MARCHF1: variants seen among roughly 807,000 people sequenced by gnomAD.
MARCHF1 encodes membrane associated ring-CH-type finger 1.
A neutral mutation model predicts 54.2 loss-of-function variants in MARCHF1; 40 were observed. The observed-to-expected ratio is 0.74, with a 90% CI of 0.57 to 0.96. The LOEUF (loss-of-function observed/expected upper bound fraction) is 0.96, where lower values mean the gene tolerates loss of function less well. MARCHF1 is among the 40% of genes least tolerant of loss of function. MARCHF1 has a pLI of 0.00. For missense variants in MARCHF1, 586 were observed against 656.5 expected (o/e 0.89, Z 1.17); for synonymous variants, 236 against 236.3 (o/e 1.00, Z 0.01).
chr4:164,158,845 T>G (rs1012777892), intron 1 of MARCHF1, among the ~76,000 whole-genome samples: 4 of 152,152 alleles, frequency 2.6e-5, no homozygotes, highest in African/African-American at 9.7e-5. Context: ...CTATTCTTCC[T>G]TTTCTTCAAG....
intron 1 of MARCHF1, among the ~76,000 whole-genome samples, chr4:164,334,247 C>T (rs183764556): frequency 3.3e-5 from 5 of 152,216 alleles, no homozygotes; most frequent in Admixed American, 1.3e-4. Flanking sequence ...TGGAAGGAAA[C>T]GCCATTAGGA....
At chr4:163,548,988 T>G (rs958355273) in intron 8 of MARCHF1, among the ~76,000 whole-genome samples, 3 of 152,228 alleles carry the variant, frequency 2.0e-5, no homozygotes, top group African/African-American at 7.2e-5. Flanking sequence ...TGCTCCCCTG[T>G]CCTGCTTTAC....
chr4:164,133,703 A>G (rs1756346414), intron 1 of MARCHF1, among the ~76,000 whole-genome samples: 1 of 152,220 alleles, frequency 6.6e-6, no homozygotes, highest in Non-Finnish European at 1.5e-5. Context: ...TAGCCCAAAA[A>G]AAGAACTAAA....
At chr4:164,156,176 G>A (rs916968197) in intron 1 of MARCHF1, among the ~76,000 whole-genome samples, 1 of 152,082 alleles carries the variant, frequency 6.6e-6, no homozygotes, top group Non-Finnish European at 1.5e-5. Flanking sequence ...TTAGAGGTGA[G>A]GCCCCCAGTT....
chr4:163,977,425 T>C (rs1450516109), intron 3 of MARCHF1, among the ~76,000 whole-genome samples: 3 of 152,178 alleles, frequency 2.0e-5, no homozygotes, highest in Non-Finnish European at 2.9e-5. Context: ...CTGTTTCCTC[T>C]TAGCCATCAC....
intron 3 of MARCHF1, among the ~76,000 whole-genome samples, chr4:163,968,287 A>C (rs898905655): frequency 2.0e-5 from 3 of 152,150 alleles, no homozygotes; most frequent in Non-Finnish European, 4.4e-5. Flanking sequence ...TTTTTGCAAG[A>C]CATTTTAAAA....
At chr4:163,703,456 T>C (rs1025385485) in intron 4 of MARCHF1, among the ~76,000 whole-genome samples, 5 of 152,168 alleles carry the variant, frequency 3.3e-5, no homozygotes, top group African/African-American at 4.8e-5. Context: ...CTTGTCCCAT[T>C]ACTATTGCAA....
intron 8 of MARCHF1, among the ~76,000 whole-genome samples, chr4:163,570,617 A>G (rs1280655617): frequency 6.6e-6 from 1 of 152,084 alleles, no homozygotes; most frequent in African/African-American, 2.4e-5. Flanking sequence ...GAACATTTCT[A>G]CCTCACAGAG....
At chr4:164,285,471 T>C (rs1214782482) in intron 1 of MARCHF1, among the ~76,000 whole-genome samples, 3 of 151,880 alleles carry the variant, frequency 2.0e-5, no homozygotes, top group Admixed American at 2.0e-4. Context: ...GAGACGGAGT[T>C]TCGCTCTGTC....
intron 1 of MARCHF1, among the ~76,000 whole-genome samples, chr4:164,288,172 A>G (rs1054168739): frequency 6.6e-6 from 1 of 151,972 alleles, no homozygotes; most frequent in African/African-American, 2.4e-5. Context: ...AGGTCTGGGT[A>G]TTCATAGGGT....
At chr4:163,762,562 T>C (rs1049905626) in intron 4 of MARCHF1, among the ~76,000 whole-genome samples, 3 of 152,100 alleles carry the variant, frequency 2.0e-5, no homozygotes, top group Non-Finnish European at 2.9e-5. Flanking sequence ...TAAATGTAAA[T>C]AAAAGGTTTT....
chr4:163,742,760 G>A (rs763258124), intron 4 of MARCHF1, among the ~76,000 whole-genome samples: 30 of 152,054 alleles, frequency 2.0e-4, no homozygotes, highest in Non-Finnish European at 3.8e-4. Context: ...TTATGGGTAC[G>A]CCCAGTACTG....
intron 2 of MARCHF1, among the ~76,000 whole-genome samples, chr4:164,069,277 A>G (rs113821729): frequency 0.013 from 1,967 of 152,320 alleles, 45 homozygotes; most frequent in African/African-American, 0.045. Flanking sequence ...TGGGCCAATC[A>G]GCAGGATGTG....
At chr4:164,056,867 C>T (rs908565693) in intron 2 of MARCHF1, among the ~76,000 whole-genome samples, 2 of 152,130 alleles carry the variant, frequency 1.3e-5, no homozygotes, top group African/African-American at 4.8e-5. Flanking sequence ...CCTGCCACCT[C>T]CCATCTCCCT....
chr4:163,574,342 G>T (rs1162986898), intron 8 of MARCHF1, among the ~76,000 whole-genome samples: 2 of 151,902 alleles, frequency 1.3e-5, no homozygotes, highest in African/African-American at 2.4e-5. Context: ...GTCAATTTTG[G>T]CTTTTGTTGC....
At chr4:163,884,911 T>C (rs1750495255) in intron 3 of MARCHF1, among the ~76,000 whole-genome samples, 1 of 152,134 alleles carries the variant, frequency 6.6e-6, no homozygotes, top group Non-Finnish European at 1.5e-5. Flanking sequence ...ATTTAGAGAC[T>C]AAAGGGGGAC....
chr4:163,710,077 A>G (rs1302856928), intron 4 of MARCHF1, among the ~76,000 whole-genome samples: 1 of 152,168 alleles, frequency 6.6e-6, no homozygotes, highest in Non-Finnish European at 1.5e-5. Context: ...GTCAAATTTA[A>G]TGGGTAAACT....
chr4:164,000,547 C>T (rs1157780566), intron 2 of MARCHF1, among the ~76,000 whole-genome samples: 1 of 151,488 alleles, frequency 6.6e-6, no homozygotes, highest in Non-Finnish European at 1.5e-5. Flanking sequence ...CTTTAAGATA[C>T]TTAAAAAGAA....
At chr4:164,004,490 A>T (rs936656404) in intron 2 of MARCHF1, among the ~76,000 whole-genome samples, 1 of 152,096 alleles carries the variant, frequency 6.6e-6, no homozygotes, top group African/African-American at 2.4e-5. Flanking sequence ...ACATAAGGAT[A>T]ACCTATAACA....
Sources: gnomAD v4.1 joint callset for allele counts (sites outside exome capture counted in the v4.1 genomes callset) on GRCh38, gnomAD v4.1.1 for gene constraint, MANE v1.5 for transcripts, NCBI Gene and HGNC (gene_info 2026-07-23, HGNC 2026-07-21) for gene names.